TNRC18: variants seen among roughly 807,000 people sequenced by gnomAD.
TNRC18 encodes the protein trinucleotide repeat containing 18, also known as trinucleotide repeat-containing gene 18 protein.
A neutral mutation model predicts 226.7 loss-of-function variants in TNRC18; 69 were observed. That is an observed-to-expected ratio of 0.30 (90% CI 0.25 to 0.37). The LOEUF is 0.37. Ranked by LOEUF, TNRC18 falls within the 10% of genes least tolerant of loss-of-function variation. The pLI is 1.00. For synonymous variants in TNRC18, 2,449 were observed against 1,927.6 expected, an observed-to-expected ratio of 1.27 and a Z score of -7.09; for missense variants, 4,754 against 4,256.6, an observed-to-expected ratio of 1.12 and a Z score of -3.25.
intron 24 of TNRC18, among the ~76,000 whole-genome samples, chr7:5,318,063 G>C (rs577996594): frequency 3.9e-5 from 6 of 152,078 alleles, no homozygotes; most frequent in Non-Finnish European, 8.8e-5. Context: ...ATAGAGACGG[G>C]GTTTCACCAT....
chr7:5,326,473 C>CT (rs1384184428), intron 19 of TNRC18, among the ~76,000 whole-genome samples: 2 of 152,132 alleles, frequency 1.3e-5, no homozygotes, highest in East Asian at 1.9e-4. Flanking sequence ...GAGACAGGGT[C>CT]TGGCTGTGTT....
rs769261912 is a variant in TNRC18, at chr7:5,376,073, C to A, written c.2760G>T (p.Ala920=). The part of the protein sequence containing the change: ...QQEFLYLQQQ[A]AQALELQRSA... ...TCCTCTGCAGTTCCAAGGCCTGGGC[C>A]GCCTGCTGCTGCAGGTACAGGAACT... The change falls in exon 9 of 30, where the codon GCG becomes GCT. Residue 920 remains alanine, a synonymous_variant. Coordinates refer to ENST00000430969, the MANE Select transcript of TNRC18 (RefSeq NM_001080495.3). 7 of 1,597,328 alleles carry A rather than the reference C, an allele frequency of 4.4e-6. No homozygotes were observed. Among genetic ancestry groups the A allele is most frequent in the Non-Finnish European group, 5.1e-6 (6 of 1,173,258 alleles).
chr7:5,324,529 G>C lies in TNRC18; in HGVS notation c.6301-174C>G, dbSNP rs1788701821. Among the ~76,000 whole-genome samples the C allele has an allele frequency of 6.6e-6, 1 of 152,128 alleles. No individual in the cohort carries two copies. The highest frequency in any genetic ancestry group is 1.5e-5 in the Non-Finnish European group (1 of 68,014). ...AGAGGCCAGGGGGAAGGTGAAATGG[G>C]CCCAAAACCCAGCTGGCCCATGCTC... On this transcript the variant is annotated intron_variant, in intron 20 of 29. Transcript: ENST00000430969. This position sits in a 1 kb window ranked among gnomAD's most constrained non-coding sequence, Gnocchi z 4.8.
rs978261165 is a variant in TNRC18, at chr7:5,345,414, G to A, written c.5719+148C>T. The A allele has an allele frequency of 7.6e-6, 6 of 793,112 alleles. No homozygotes were observed. The Admixed American group carries it at 8.7e-5, about 11-fold the overall frequency. 49.1% of individuals were successfully genotyped at this position (793,112 alleles called of 1,614,324 possible). On this transcript the variant is annotated intron_variant, in intron 18 of 29. Transcript: ENST00000430969. ...CCCCTGTCGCGAGCATCCCTGATCAGCACGGGGCTGGCCCACGAGGCTGGG... is the reference window on the plus strand; with the variant it reads ...CCCCTGTCGCGAGCATCCCTGATCAACACGGGGCTGGCCCACGAGGCTGGG...
intron 16 of TNRC18, among the ~76,000 whole-genome samples, chr7:5,353,377 T>TA (rs1225550896): frequency 1.3e-5 from 2 of 151,960 alleles, no homozygotes; most frequent in Admixed American, 1.3e-4. Flanking sequence ...TCTGTATTTT[T>TA]AAAAAATACA....
At chr7:5,359,094 T>G (rs962699212) in intron 15 of TNRC18, among the ~76,000 whole-genome samples, 4 of 152,178 alleles carry the variant, frequency 2.6e-5, no homozygotes, top group Non-Finnish European at 5.9e-5. Flanking sequence ...TATTACTTGG[T>G]TAAGAACTTG....
chr7:5,332,501 G>A (rs996330994), intron 19 of TNRC18, 121 bp downstream of exon 19: 22 of 1,163,146 alleles, frequency 1.9e-5, no homozygotes, highest in Non-Finnish European at 2.5e-5. Flanking sequence ...GGGCGGGCCT[G>A]GAGCCGAGTA....
Position 5,394,556 on chromosome 7 carries a change from C to A in TNRC18, c.227G>T (p.Gly76Val). 1.2e-5 allele frequency: 19 copies of A among 1,550,452 alleles called. No homozygotes were observed. Among genetic ancestry groups the A allele is most frequent in the Non-Finnish European group, 1.6e-5 (18 of 1,148,800 alleles). ...GCTCCCATGGGACGAGGCCGAGGGCCCCATCCCGCTGGCCACAAAGCTGCC... is the reference window on the plus strand; with the variant it reads ...GCTCCCATGGGACGAGGCCGAGGGCACCATCCCGCTGGCCACAAAGCTGCC... ...FLGSFVASGM[G>V]PSASSHGSPV... is the part of the protein sequence containing the mutation. The change falls in exon 3 of 30, where the codon GGG becomes GTG. Residue 76 changes from glycine (G) to valine (V), a missense_variant. Coordinates refer to ENST00000430969, the MANE Select transcript of TNRC18 (RefSeq NM_001080495.3). The surrounding 1 kb of genome is among the most constrained non-coding windows in gnomAD (Gnocchi z 4.5).
At chr7:5,320,150 C>G (rs1367519156) in intron 24 of TNRC18, 168 bp downstream of exon 24, 5 of 609,000 alleles carry the variant, frequency 8.2e-6, no homozygotes, top group African/African-American at 1.8e-5. Context: ...CTGATGACAT[C>G]GTTTAAATGG....
chr7:5,415,978 G>A (rs1468073731), intron 2 of TNRC18, among the ~76,000 whole-genome samples: 1 of 151,464 alleles, frequency 6.6e-6, no homozygotes, highest in Non-Finnish European at 1.5e-5. Flanking sequence ...GCTGGGCGTG[G>A]TGGCAGGCGC....
rs760636275 is a variant in TNRC18, at chr7:5,370,865, C to T, written c.3729G>A (p.Leu1243=). 2 of 1,608,496 alleles carry T rather than the reference C, an allele frequency of 1.2e-6. No homozygotes were observed. Among genetic ancestry groups the T allele is most frequent in the East Asian group, 4.5e-5 (2 of 44,880 alleles). Residue 1243 remains leucine, a synonymous_variant, in exon 11 of 30, where the codon CTG becomes CTA. Transcript: ENST00000430969. ...PGRTEPCTAA[L]DLGVQLTPET... is the part of the protein sequence containing the mutation. ...CGGGTGTCAGCTGCACCCCCAGGTC[C>T]AGGGCGGCGGTGCAGGGTTCTGTCC...
intron 17 of TNRC18, among the ~76,000 whole-genome samples, chr7:5,348,505 G>A (rs1224602450): frequency 6.6e-6 from 1 of 152,162 alleles, no homozygotes; most frequent in Non-Finnish European, 1.5e-5. Context: ...AGCAACTTGT[G>A]GCCAAAAGTG....
chr7:5,368,484 G>GA (rs1040080324), intron 11 of TNRC18, among the ~76,000 whole-genome samples: 11 of 151,602 alleles, frequency 7.3e-5, no homozygotes, highest in African/African-American at 2.4e-4. Context: ...CCAACATGGT[G>GA]AAACCCCATC....
intron 5 of TNRC18, among the ~76,000 whole-genome samples, chr7:5,381,777 C>T (rs1182298461): frequency 1.3e-5 from 2 of 152,080 alleles, no homozygotes; most frequent in African/African-American, 4.8e-5. Context: ...ACCAGCCTGG[C>T]TAACATGGTG....
At chr7:5,406,850 C>CAA (rs770572593) in intron 2 of TNRC18, among the ~76,000 whole-genome samples, 9,375 of 94,446 alleles carry the variant, frequency 0.099, 589 homozygotes, top group African/African-American at 0.2. Context: ...GACTCTGTCT[C>CAA]AAAAAAAAAA....
intron 11 of TNRC18, among the ~76,000 whole-genome samples, chr7:5,366,567 G>A (rs371900584): frequency 1.5e-4 from 23 of 151,768 alleles, no homozygotes; most frequent in South Asian, 4.1e-4. Flanking sequence ...CAAGTGATCC[G>A]CCTGCCTTGG....
chr7:5,413,946 TCTCA>T (rs763485553), intron 2 of TNRC18, among the ~76,000 whole-genome samples: 14 of 152,138 alleles, frequency 9.2e-5, no homozygotes, highest in Non-Finnish European at 1.5e-4. Flanking sequence ...TGTGAACTGC[TCTCA>T]CTGTCTTATT....
intron 24 of TNRC18, among the ~76,000 whole-genome samples, chr7:5,317,711 GTTT>G (rs34172970): frequency 1.4e-5 from 2 of 143,476 alleles, no homozygotes; most frequent in Admixed American, 6.9e-5. Context: ...AACTCTTAAG[GTTT>G]TTTTTTTTTT....
intron 10 of TNRC18, 146 bp downstream of exon 10, chr7:5,373,907 TCA>T (rs1794386156): frequency 7.0e-6 from 4 of 574,020 alleles, no homozygotes; most frequent in African/African-American, 4.0e-5. Context: ...TGTGTTTGTC[TCA>T]GTGTCTGGCG....
Sources: gnomAD v4.1 joint callset for allele counts (sites outside exome capture counted in the v4.1 genomes callset) on GRCh38, gnomAD v4.1.1 for gene constraint, Gnocchi (gnomAD v3.1) non-coding constraint, MANE v1.5 for transcripts, NCBI Gene and HGNC (gene_info 2026-07-23, HGNC 2026-07-21) for gene names.